The following VSTM1 variants were observed in gnomAD, a reference collection of about 807,000 sequenced individuals.
VSTM1 encodes the protein V-set and transmembrane domain containing 1.
VSTM1 carries 27 observed loss-of-function variants against 33.1 expected under a neutral mutation model. That is an observed-to-expected ratio of 0.82 (90% CI 0.60 to 1.12). The LOEUF (loss-of-function observed/expected upper bound fraction) is 1.12, where lower values mean the gene tolerates loss of function less well. Ranked by LOEUF, VSTM1 falls within the 50% of genes most tolerant of loss-of-function variation. The probability of loss-of-function intolerance (pLI) is 0.00; values close to 1 mark genes in which losing one functional copy is unlikely to be tolerated. For missense variants in VSTM1, 304 were observed against 288.9 expected (o/e 1.05, Z -0.38); for synonymous variants, 115 against 110.3 (o/e 1.04, Z -0.27).
At chr19:54,041,203 A>T (rs1215677524) in intron 8 of VSTM1, 123 bp from the exon 9 acceptor site, 9 of 979,388 alleles carry the variant, frequency 9.2e-6, no homozygotes, top group Admixed American at 7.6e-5. Flanking sequence ...GTCCTCGGTC[A>T]CACCAGATGC....
At chr19:54,048,853 G>GC (rs2070717553) in intron 4 of VSTM1, among the ~76,000 whole-genome samples, 1 of 152,148 alleles carries the variant, frequency 6.6e-6, no homozygotes. Flanking sequence ...GGAAGCTGAG[G>GC]CGTGTGGATC....
At chr19:54,059,357 G>A (rs1191154168) in intron 1 of VSTM1, among the ~76,000 whole-genome samples, 3 of 151,940 alleles carry the variant, frequency 2.0e-5, no homozygotes, top group Non-Finnish European at 2.9e-5. Flanking sequence ...CACTGCCCCC[G>A]GCCCAGCAAC....
chr19:54,049,218 T>G (rs2070733293), intron 4 of VSTM1, among the ~76,000 whole-genome samples: 1 of 152,168 alleles, frequency 6.6e-6, no homozygotes, highest in South Asian at 2.1e-4. Flanking sequence ...TTGAAAACAT[T>G]ATGCTAAAGA....
At position 54,051,406 on chromosome 19, in the gene VSTM1, T is replaced by A; in HGVS notation, c.394+4A>T. The A allele has an allele frequency of 1.3e-6, 2 of 1,599,616 alleles. No individual in the cohort carries two copies. Among genetic ancestry groups the A allele is most frequent in the South Asian group, 2.3e-5 (2 of 88,288 alleles). On this transcript the variant is annotated splice_donor_region_variant and intron_variant, in intron 4 of 8. Coordinates refer to ENST00000338372, the MANE Select transcript of VSTM1 (RefSeq NM_198481.4). Reference sequence around the variant, plus strand: ...GAAAAACATCTCCTTTCTAATTATCTTACCTGTTTTCATTGAGGGAGCTTC... The same window carrying A: ...GAAAAACATCTCCTTTCTAATTATCATACCTGTTTTCATTGAGGGAGCTTC...
At chr19:54,060,043 G>A (rs545458372) in intron 1 of VSTM1, among the ~76,000 whole-genome samples, 5 of 150,562 alleles carry the variant, frequency 3.3e-5, no homozygotes, top group Admixed American at 2.0e-4. Flanking sequence ...TAGTAGAGAC[G>A]GGGTTTCACT....
Position 54,042,160 on chromosome 19 carries a change from A to G in VSTM1, c.515+9T>C, listed in dbSNP as rs140121838. The G allele has an allele frequency of 3.3e-4, 535 of 1,614,050 alleles. 1 individual carries two copies. Among genetic ancestry groups the G allele is most frequent in the African/African-American group, 2.9e-3 (219 of 75,024 alleles). On this transcript the variant is annotated intron_variant, in intron 6 of 8. Transcript: ENST00000338372. ...AATAAGTGGAGCATGAGCTATGCCA[A>G]GCATCTACCTCTTGGTGGATTCCTC...
Position 54,052,407 on chromosome 19 carries a change from AT to A in VSTM1, c.356-960del, listed in dbSNP as rs773159628. On this transcript the variant is annotated intron_variant, in intron 3 of 8. Transcript: ENST00000338372. ...AGCCAGACTCCGTCTCAAAAAAAAA[AT>A]AAAAATAAAAATAAAAATGAAATGA... 8.4e-4 allele frequency among the ~76,000 whole-genome samples: 117 copies of A among 139,586 alleles called. 13 individuals carry two copies. Among genetic ancestry groups the A allele is most frequent in the Non-Finnish European group, 9.6e-4 (61 of 63,678 alleles). The allele number at this position is 139,586 out of a possible 152,430, so 91.6% of individuals were successfully genotyped here.
chr19:54,057,123 T>C lies in VSTM1; in HGVS notation c.355+1183A>G, dbSNP rs2071136457. The stretch of plus-strand genomic sequence containing the variant: ...TGCCCACCTCTGCCTCCCAAAGTGC[T>C]GGGATTACAGGCATGAGCCACCGCG... On this transcript the variant is annotated intron_variant, in intron 3 of 8. Coordinates refer to ENST00000338372, the MANE Select transcript of VSTM1 (RefSeq NM_198481.4). Among the ~76,000 whole-genome samples the C allele has an allele frequency of 2.1e-5, 3 of 140,284 alleles. No individual in the cohort carries two copies. The Admixed American group carries it at 2.2e-4, about 10-fold the overall frequency. 92.0% of individuals were successfully genotyped at this position (140,284 alleles called of 152,430 possible).
intron 3 of VSTM1, among the ~76,000 whole-genome samples, chr19:54,054,324 A>C (rs2070982993): frequency 7.0e-6 from 1 of 142,724 alleles, no homozygotes; most frequent in Non-Finnish European, 1.5e-5. Flanking sequence ...GAAATTCTTA[A>C]GACTACAAGA....
intron 4 of VSTM1, chr19:54,048,290 AT>A: frequency 6.3e-6 from 2 of 317,820 alleles, no homozygotes; most frequent in Non-Finnish European, 6.4e-6. Flanking sequence ...TAATTTTTGT[AT>A]TTTTTGTAGA....
chr19:54,056,096 A>G (rs547854264), intron 3 of VSTM1, among the ~76,000 whole-genome samples: 2 of 139,924 alleles, frequency 1.4e-5, no homozygotes, highest in Admixed American at 1.5e-4. Context: ...ACTCAAGGTC[A>G]ATGTTGTCCT....
chr19:54,060,064 G>A (rs1218633340), intron 1 of VSTM1, among the ~76,000 whole-genome samples: 3 of 150,092 alleles, frequency 2.0e-5, no homozygotes, highest in Non-Finnish European at 4.4e-5. Context: ...GTGTTAGCCA[G>A]GATGGTCTTG....
At position 54,058,205 on chromosome 19, in the gene VSTM1, A is replaced by G. The variant is rs528681784; in HGVS notation, c.355+101T>C. ...CAGTGAGCCGAGATCGTGCCACTGCACTCCAGCCTGGGAGACACAGCAAGA... is the reference window on the plus strand; with the variant it reads ...CAGTGAGCCGAGATCGTGCCACTGCGCTCCAGCCTGGGAGACACAGCAAGA... On this transcript the variant is annotated intron_variant, in intron 3 of 8. Transcript: ENST00000338372. 2.1e-4 allele frequency: 266 copies of G among 1,291,348 alleles called. 6 individuals are homozygous for G. In the South Asian group the frequency reaches 3.7e-3, roughly 18 times the overall value. The allele number at this position is 1,291,348 out of a possible 1,614,324, so 80.0% of individuals were successfully genotyped here. A position where few individuals can be genotyped will look rare whatever the true frequency, so the allele number is the denominator to read the frequency against.
At chr19:54,048,486 T>C (rs756748727) in intron 4 of VSTM1, 1 of 197,456 alleles carries the variant, frequency 5.1e-6, no homozygotes, top group Non-Finnish European at 1.1e-5. Flanking sequence ...TAAGAAATTA[T>C]ATAATACCCA....
At chr19:54,046,662 A>G (rs2070607673) in intron 4 of VSTM1, among the ~76,000 whole-genome samples, 1 of 151,586 alleles carries the variant, frequency 6.6e-6, no homozygotes, top group African/African-American at 2.4e-5. Flanking sequence ...CAAAGTGAAC[A>G]TTTGTATCTC....
At chr19:54,046,489 G>A (rs1417156477) in intron 4 of VSTM1, among the ~76,000 whole-genome samples, 1 of 152,102 alleles carries the variant, frequency 6.6e-6, no homozygotes, top group Admixed American at 6.6e-5. Context: ...GACTCATTGT[G>A]TCGGATAATG....
At position 54,049,278 on chromosome 19, in the gene VSTM1, A is replaced by C. The variant is rs75325746; in HGVS notation, c.394+2132T>G. ...ACATAGTGTATGAATCCACTTACAC[A>C]AAATGTCCAGAATAGACAAAATCAT... On this transcript the variant is annotated intron_variant, in intron 4 of 8. Coordinates refer to ENST00000338372, the MANE Select transcript of VSTM1 (RefSeq NM_198481.4). Among the ~76,000 whole-genome samples the C allele has an allele frequency of 8.9e-3, 1,363 of 152,296 alleles. 20 individuals carry two copies. The highest frequency in any genetic ancestry group is 0.031 in the African/African-American group (1,305 of 41,572).
At chr19:54,063,422 T>A (rs1291749102) in intron 1 of VSTM1, among the ~76,000 whole-genome samples, 2 of 152,148 alleles carry the variant, frequency 1.3e-5, no homozygotes, top group African/African-American at 2.4e-5. Flanking sequence ...TTGCACCCTG[T>A]AGATCCCTAA....
chr19:54,042,387 G>A lies in VSTM1; in HGVS notation c.395-18C>T, dbSNP rs1262803333. On this transcript the variant is annotated intron_variant, in intron 4 of 8. Coordinates refer to ENST00000338372, the MANE Select transcript of VSTM1 (RefSeq NM_198481.4). ...TCTGGTGTCTGGAGGGGGAAGAGCAGGTCAGGGAATCAGCCTGGCTCCTGA... is the reference window on the plus strand; with the variant it reads ...TCTGGTGTCTGGAGGGGGAAGAGCAAGTCAGGGAATCAGCCTGGCTCCTGA... 6.2e-7 allele frequency: 1 copy of A among 1,611,220 alleles called. No individual in the cohort carries two copies. Among genetic ancestry groups the A allele is most frequent in the Non-Finnish European group, 8.5e-7 (1 of 1,178,964 alleles).
Sources: allele counts gnomAD v4.1 joint callset (sites outside exome capture counted in the v4.1 genomes callset), GRCh38; gene constraint gnomAD v4.1.1; transcripts MANE v1.5; gene names NCBI Gene and HGNC (gene_info 2026-07-23, HGNC 2026-07-21).